The following FGD6 variants were observed in gnomAD, a reference collection of about 807,000 sequenced individuals.
The protein encoded by FGD6 is FYVE, RhoGEF and PH domain-containing protein 6.
A neutral mutation model predicts 149.4 loss-of-function variants in FGD6; 90 were observed. The ratio of observed to expected loss-of-function variants is 0.60; its 90% CI spans 0.51 to 0.72. The LOEUF is 0.72. Ranked by LOEUF, FGD6 falls within the 30% of genes least tolerant of loss-of-function variation. FGD6 has a pLI of 0.00. For synonymous variants in FGD6, 527 were observed against 584.0 expected (o/e 0.90, Z 1.41); for missense variants, 1,437 against 1,684.8 (o/e 0.85, Z 2.57).
chr12:95,101,919 G>A (rs1310239542), intron 14 of FGD6, among the ~76,000 whole-genome samples: 1 of 151,698 alleles, frequency 6.6e-6, no homozygotes, highest in African/African-American at 2.4e-5. Flanking sequence ...CTGATTTTGT[G>A]ATCCACCCGC....
rs373568698 is a variant in FGD6, at chr12:95,123,998, C to T, written c.3083-10297G>A. 1.3e-3 allele frequency among the ~76,000 whole-genome samples: 193 copies of T among 151,924 alleles called. 3 individuals carry two copies. In the South Asian group the frequency reaches 0.04, roughly 31 times the overall value. On this transcript the variant is annotated intron_variant, in intron 8 of 20. Transcript: ENST00000343958. ...AGCTCACTGCAGCCTCCACCAACCT[C>T]GACCTCCTGGACTCAAGCGATACTC...
chr12:95,083,040 T>TAC (rs60971253), intron 20 of FGD6, among the ~76,000 whole-genome samples: 17,446 of 74,002 alleles, frequency 0.24, 2,071 homozygotes, highest in Non-Finnish European at 0.28. Flanking sequence ...TACACACACA[T>TAC]ACACACACAC....
At position 95,090,682 on chromosome 12, in the gene FGD6, AAAT is replaced by A. The variant is rs574946486; in HGVS notation, c.3851-989_3851-987del. Among the ~76,000 whole-genome samples, 139 of 152,340 alleles carry A rather than the reference AAAT, an allele frequency of 9.1e-4. 1 individual carries two copies. Among genetic ancestry groups the A allele is most frequent in the African/African-American group, 3.2e-3 (135 of 41,576 alleles). On this transcript the variant is annotated intron_variant, in intron 17 of 20. Transcript: ENST00000343958. Reference sequence around the variant, plus strand: ...ATGGGTCTTCTTGGAAAATGTACACAAATAATAATAAATTATTCATCTAGAAAT... The same window carrying A: ...ATGGGTCTTCTTGGAAAATGTACACAAATAATAAATTATTCATCTAGAAAT...
intron 1 of FGD6, among the ~76,000 whole-genome samples, chr12:95,212,716 G>A (rs991915040): frequency 3.3e-5 from 5 of 152,152 alleles, no homozygotes; most frequent in Non-Finnish European, 7.4e-5. Context: ...TGAATAGACA[G>A]GGGCTCTGAT....
chr12:95,150,877 G>T (rs1241898526), intron 5 of FGD6, among the ~76,000 whole-genome samples: 2 of 152,166 alleles, frequency 1.3e-5, no homozygotes, highest in East Asian at 3.9e-4. Context: ...GAGGTGGGCA[G>T]ATTGCTCAGG....
chr12:95,087,299 CT>C (rs1565892109), intron 18 of FGD6, among the ~76,000 whole-genome samples: 1 of 152,196 alleles, frequency 6.6e-6, no homozygotes, highest in Non-Finnish European at 1.5e-5. Context: ...TCTCCTCCCC[CT>C]GAGTGTGGAC....
chr12:95,146,481 A>G lies in FGD6; in HGVS notation c.2686-4942T>C, dbSNP rs114708182. Among the ~76,000 whole-genome samples, 1,028 of 152,304 alleles carry G rather than the reference A, an allele frequency of 6.7e-3. 19 individuals are homozygous for G. The highest frequency in any genetic ancestry group is 0.023 in the African/African-American group (974 of 41,568). On this transcript the variant is annotated intron_variant, in intron 5 of 20. Coordinates refer to ENST00000343958, the MANE Select transcript of FGD6 (RefSeq NM_018351.4). The stretch of plus-strand genomic sequence containing the variant: ...TTAGCTCTTCAAAAGTTAGATCCAG[A>G]GTTTAATTTTTCACACTGGAAAAGC...
Position 95,081,318 on chromosome 12 carries a change from C to G in FGD6, c.*202G>C, listed in dbSNP as rs1877664571. 2.4e-6 allele frequency: 1 copy of G among 411,444 alleles called. No individual in the cohort carries two copies. The highest frequency in any genetic ancestry group is 2.0e-5 in the African/African-American group (1 of 49,602). The allele number at this position is 411,444 out of a possible 1,614,324, so 25.5% of individuals were successfully genotyped here. On this transcript the variant is annotated 3_prime_UTR_variant, in exon 21 of 21. Coordinates refer to ENST00000343958, the MANE Select transcript of FGD6 (RefSeq NM_018351.4). ...ATAATTCTGACCATTAAGTAAACATCAAAATTTTAATAAATAACATAAATG... is the reference window on the plus strand; with the variant it reads ...ATAATTCTGACCATTAAGTAAACATGAAAATTTTAATAAATAACATAAATG...
chr12:95,127,187 A>G (rs1323282534), intron 8 of FGD6, among the ~76,000 whole-genome samples: 2 of 152,090 alleles, frequency 1.3e-5, no homozygotes, highest in Non-Finnish European at 2.9e-5. Context: ...ACATACAATT[A>G]ACCCTAGGTT....
At chr12:95,123,416 C>A (rs1320629407) in intron 8 of FGD6, among the ~76,000 whole-genome samples, 3 of 151,998 alleles carry the variant, frequency 2.0e-5, no homozygotes, top group Non-Finnish European at 4.4e-5. Context: ...ACTCACAAAC[C>A]AAACCCAACT....
chr12:95,157,836 T>C (rs1191849824), intron 3 of FGD6, among the ~76,000 whole-genome samples: 1 of 152,138 alleles, frequency 6.6e-6, no homozygotes, highest in Non-Finnish European at 1.5e-5. Context: ...GGATATGTTT[T>C]ACTCAACTAC....
chr12:95,129,138 A>T (rs1167791571), intron 8 of FGD6, among the ~76,000 whole-genome samples: 1 of 152,190 alleles, frequency 6.6e-6, no homozygotes, highest in Non-Finnish European at 1.5e-5. Flanking sequence ...AGGAGCAGAA[A>T]CTAGAGGTGG....
rs781032370 is a variant in FGD6, at chr12:95,209,659, T to C, written c.1625A>G (p.Gln542Arg). 1.2e-6 allele frequency: 2 copies of C among 1,613,162 alleles called. No individual in the cohort carries two copies. Among genetic ancestry groups the C allele is most frequent in the Admixed American group, 1.7e-5 (1 of 59,736 alleles). Residue 542 changes from glutamine to arginine, a missense_variant, in exon 2 of 21, where the codon CAG (glutamine) becomes CGG (arginine). Physicochemically the swap from Gln to Arg is conservative, Grantham distance 43. Around this residue, in one of 2 missense-constraint regions of FGD6, gnomAD observed 1,055 missense variants for 1,146.0 expected, o/e 0.92. Transcript: ENST00000343958. Reference protein sequence around the residue: ...SEKSLERNHLQHLCAQNRGVS... With the variant: ...SEKSLERNHLRHLCAQNRGVS... ...ACCACGGTTTTGGGCACACAAATGC[T>C]GAAGGTGATTTCTTTCTAGACTCTT...
chr12:95,138,244 A>ATAAATAAATAAATAAATAAC (rs1404936339), intron 6 of FGD6, among the ~76,000 whole-genome samples: 1 of 104,668 alleles, frequency 9.6e-6, no homozygotes, highest in African/African-American at 3.8e-5. Context: ...AAATAAATAA[A>ATAAATAAATAAATAAATAAC]TAACTCACTC....
At position 95,080,913 on chromosome 12, in the gene FGD6, C is replaced by T. The variant is rs1393408680; in HGVS notation, c.*607G>A. The T allele has an allele frequency of 6.6e-6, 1 of 152,094 alleles. No homozygotes were observed. The highest frequency in any genetic ancestry group is 1.5e-5 in the Non-Finnish European group (1 of 68,006). The allele number at this position is 152,094 out of a possible 1,614,324, so 9.4% of individuals were successfully genotyped here. Reference sequence around the variant, plus strand: ...ATTCTTTGATGATGTAATATTAACTCCTGCCAAAGAGGTACCTAACAACAG... The same window carrying T: ...ATTCTTTGATGATGTAATATTAACTTCTGCCAAAGAGGTACCTAACAACAG... On this transcript the variant is annotated 3_prime_UTR_variant, in exon 21 of 21. Transcript: ENST00000343958.
intron 20 of FGD6, among the ~76,000 whole-genome samples, chr12:95,083,034 C>CACAG (rs1183538275): frequency 4.3e-5 from 3 of 69,682 alleles, no homozygotes; most frequent in South Asian, 1.1e-3. Flanking sequence ...TATATATACA[C>CACAG]ACACATACAC....
chr12:95,148,756 C>T, intron 5 of FGD6, among the ~76,000 whole-genome samples: 1 of 83,800 alleles, frequency 1.2e-5, no homozygotes, highest in African/African-American at 5.2e-5. Context: ...TAATACATAG[C>T]ATATGTTATA....
chr12:95,175,817 A>G (rs1440577798), intron 2 of FGD6, among the ~76,000 whole-genome samples: 2 of 137,002 alleles, frequency 1.5e-5, no homozygotes, highest in African/African-American at 5.8e-5. Flanking sequence ...AAAAAAAAAA[A>G]AAGAAAAAAA....
chr12:95,081,357 C>A lies in FGD6; in HGVS notation c.*163G>T. The A allele has an allele frequency of 3.6e-5, 16 of 446,004 alleles. No individual in the cohort carries two copies. Among genetic ancestry groups the A allele is most frequent in the South Asian group, 1.2e-4 (2 of 17,176 alleles). 27.6% of individuals were successfully genotyped at this position (446,004 alleles called of 1,614,324 possible). ...ATAACATAAATGAAAAAACAAACAC[C>A]TTTTAAAAATTGCTTATACCTAACA... On this transcript the variant is annotated 3_prime_UTR_variant, in exon 21 of 21. Transcript: ENST00000343958.
Sources: allele counts gnomAD v4.1 joint callset (sites outside exome capture counted in the v4.1 genomes callset), GRCh38; gene constraint gnomAD v4.1.1; regional missense constraint gnomAD v4.1.1; transcripts MANE v1.5; gene names NCBI Gene and HGNC (gene_info 2026-07-23, HGNC 2026-07-21).